CDCA7L: variants seen among roughly 807,000 people sequenced by gnomAD.
The protein encoded by CDCA7L is cell division cycle associated 7 like, also known as cell division cycle-associated 7-like protein.
In CDCA7L, 44 loss-of-function variants were observed where a neutral mutation model predicts 57.4. The ratio of observed to expected loss-of-function variants is 0.77; its 90% confidence interval spans 0.60 to 0.98. The LOEUF (loss-of-function observed/expected upper bound fraction) is 0.98. Ranked by LOEUF, CDCA7L falls within the 50% of genes least tolerant of loss-of-function variation. CDCA7L has a pLI of 0.00. For synonymous variants in CDCA7L, 236 were observed against 202.8 expected (o/e 1.16, Z -1.39); for missense variants, 644 against 580.6 (o/e 1.11, Z -1.12).
intron 1 of CDCA7L, among the ~76,000 whole-genome samples, chr7:21,922,695 A>C (rs1363807911): frequency 6.6e-6 from 1 of 152,246 alleles, no homozygotes; most frequent in African/African-American, 2.4e-5. Flanking sequence ...GAAGATTAAG[A>C]AAAACTTTAT....
intron 1 of CDCA7L, among the ~76,000 whole-genome samples, chr7:21,930,365 A>G (rs368321393): frequency 2.3e-4 from 35 of 152,318 alleles, no homozygotes; most frequent in Middle Eastern, 3.4e-3. Context: ...AGAAAGCAGG[A>G]AAGATCTAAA....
chr7:21,909,078 G>A (rs915033912), intron 3 of CDCA7L, among the ~76,000 whole-genome samples: 1 of 152,204 alleles, frequency 6.6e-6, no homozygotes, highest in Non-Finnish European at 1.5e-5. Context: ...GAGCCATGAG[G>A]TGAAACCAGG....
chr7:21,919,219 C>G (rs1174673198), intron 1 of CDCA7L, among the ~76,000 whole-genome samples: 1 of 152,136 alleles, frequency 6.6e-6, no homozygotes, highest in African/African-American at 2.4e-5. Context: ...TTCTCTCACT[C>G]TCCCCCTTTT....
chr7:21,904,926 C>T (rs984928212), intron 7 of CDCA7L, among the ~76,000 whole-genome samples: 2 of 152,190 alleles, frequency 1.3e-5, no homozygotes, highest in South Asian at 2.1e-4. Context: ...GACTGAGGGG[C>T]AATGAGCCTT....
intron 1 of CDCA7L, among the ~76,000 whole-genome samples, chr7:21,941,669 G>C (rs1312462728): frequency 2.0e-5 from 3 of 152,332 alleles, no homozygotes; most frequent in East Asian, 1.9e-4. Flanking sequence ...GGAGGGAACA[G>C]GGCAAGTTTC....
At position 21,929,785 on chromosome 7, in the gene CDCA7L, A is replaced by G. The variant is rs539008875; in HGVS notation, c.25-12891T>C. On this transcript the variant is annotated intron_variant, in intron 1 of 9. Coordinates refer to ENST00000406877, the MANE Select transcript of CDCA7L (RefSeq NM_018719.5). ...AAGAGCAGCTAACTACACTAAATAT[A>G]TATGCACCCAATACAGGAGCACCCA... 3.9e-5 allele frequency among the ~76,000 whole-genome samples: 6 copies of G among 152,308 alleles called. No individual in the cohort carries two copies. The South Asian group carries it at 1.2e-3, about 32-fold the overall frequency.
At chr7:21,904,007 G>C (rs1353929709) in intron 8 of CDCA7L, 103 bp downstream of exon 8, 5 of 1,128,558 alleles carry the variant, frequency 4.4e-6, no homozygotes, top group Middle Eastern at 2.2e-4. Flanking sequence ...AAAAACCAGA[G>C]TTCTGGAGCT....
chr7:21,941,996 G>A (rs529916900), intron 1 of CDCA7L, among the ~76,000 whole-genome samples: 17 of 152,188 alleles, frequency 1.1e-4, no homozygotes, highest in African/African-American at 4.1e-4. Flanking sequence ...AGCAGAAGAG[G>A]AAGGGAGTTC....
chr7:21,941,162 G>A (rs544929955), intron 1 of CDCA7L, among the ~76,000 whole-genome samples: 139 of 152,208 alleles, frequency 9.1e-4, no homozygotes, highest in African/African-American at 2.5e-3. Context: ...AACACAAGCC[G>A]TAAGATATAC....
At chr7:21,945,713 G>A in intron 1 of CDCA7L, 68 bp downstream of exon 1, 2 of 1,587,782 alleles carry the variant, frequency 1.3e-6, no homozygotes, top group Non-Finnish European at 8.6e-7. Context: ...AAGGCCAGCA[G>A]GACCGGGTGG....
At chr7:21,915,833 G>C (rs1254818752) in intron 2 of CDCA7L, among the ~76,000 whole-genome samples, 1 of 151,646 alleles carries the variant, frequency 6.6e-6, no homozygotes, top group African/African-American at 2.4e-5. Flanking sequence ...ATCTTGGAAA[G>C]AAAGAAAATA....
chr7:21,939,024 G>GA (rs1786261342), intron 1 of CDCA7L, among the ~76,000 whole-genome samples: 1 of 151,508 alleles, frequency 6.6e-6, no homozygotes, highest in Non-Finnish European at 1.5e-5. Flanking sequence ...AGAAATAATT[G>GA]AAAAAAAATT....
chr7:21,922,808 A>G (rs937544968), intron 1 of CDCA7L, among the ~76,000 whole-genome samples: 5 of 152,258 alleles, frequency 3.3e-5, no homozygotes, highest in African/African-American at 1.2e-4. Flanking sequence ...TGTGAGACAT[A>G]CATATAATTG....
Position 21,901,576 on chromosome 7 carries a change from AAAAAGTACATCAT to A in CDCA7L, c.*733_*745del, listed in dbSNP as rs768893569. 376 of 188,104 alleles carry A rather than the reference AAAAAGTACATCAT, an allele frequency of 2.0e-3. 1 individual carries two copies. Among genetic ancestry groups the A allele is most frequent in the African/African-American group, 6.6e-3 (285 of 42,868 alleles). 11.7% of individuals were successfully genotyped at this position (188,104 alleles called of 1,614,324 possible). On this transcript the variant is annotated 3_prime_UTR_variant, in exon 10 of 10. Coordinates refer to ENST00000406877, the MANE Select transcript of CDCA7L (RefSeq NM_018719.5). ...AGAACAAGACTCCATCTCAAAAAAA[AAAAAGTACATCAT>A]AAAAGTACATCATATGTGAACATGC...
Position 21,924,601 on chromosome 7 carries a change from T to A in CDCA7L, c.25-7707A>T, listed in dbSNP as rs563720951. ...CATACCATGCACCAACCACAAGAAC[T>A]AACTCAAAATGGATCACAAACTTGA... On this transcript the variant is annotated intron_variant, in intron 1 of 9. Transcript: ENST00000406877. 6.6e-5 allele frequency among the ~76,000 whole-genome samples: 10 copies of A among 152,316 alleles called. No homozygotes were observed. In the East Asian group the frequency reaches 1.9e-3, roughly 29 times the overall value.
At chr7:21,919,416 C>A (rs1785587400) in intron 1 of CDCA7L, among the ~76,000 whole-genome samples, 1 of 152,138 alleles carries the variant, frequency 6.6e-6, no homozygotes, top group Admixed American at 6.6e-5. Context: ...GCATGGCAAG[C>A]TAACCTTGTA....
chr7:21,901,396 AAGTC>A lies in CDCA7L; in HGVS notation c.*922_*925del. 4 of 1,204,396 alleles carry A rather than the reference AAGTC, an allele frequency of 3.3e-6. No individual in the cohort carries two copies. Among genetic ancestry groups the A allele is most frequent in the Non-Finnish European group, 3.2e-6 (3 of 929,744 alleles). The allele number at this position is 1,204,396 out of a possible 1,614,324, so 74.6% of individuals were successfully genotyped here. A position where few individuals can be genotyped will look rare whatever the true frequency, so the allele number is the denominator to read the frequency against. On this transcript the variant is annotated 3_prime_UTR_variant, in exon 10 of 10. Transcript: ENST00000406877. ...TTTTTCAACGCTATCCTTAGAGTGA[AAGTC>A]AGAAAAAAATACTAGAAACTAACTC... is the stretch of plus-strand genomic sequence containing the variant.
At position 21,902,016 on chromosome 7, in the gene CDCA7L, A is replaced by AACTT. The variant is rs566823141; in HGVS notation, c.*302_*305dup. The AACTT allele has an allele frequency of 1.1e-4, 43 of 380,846 alleles. No individual in the cohort carries two copies. Among genetic ancestry groups the AACTT allele is most frequent in the Middle Eastern group, 1.6e-3 (2 of 1,284 alleles). 23.6% of individuals were successfully genotyped at this position (380,846 alleles called of 1,614,324 possible). A position where few individuals can be genotyped will look rare whatever the true frequency, so the allele number is the denominator to read the frequency against. On this transcript the variant is annotated 3_prime_UTR_variant, in exon 10 of 10. Coordinates refer to ENST00000406877, the MANE Select transcript of CDCA7L (RefSeq NM_018719.5). ...GCTGATCATACAATGTTTTCTCTCT[A>AACTT]ACTTACTTACCTGAACTTTAACCCC... is the stretch of plus-strand genomic sequence containing the variant.
intron 1 of CDCA7L, among the ~76,000 whole-genome samples, chr7:21,925,971 G>GCACA (rs1400894153): frequency 5.9e-5 from 9 of 152,044 alleles, no homozygotes; most frequent in African/African-American, 2.2e-4. Flanking sequence ...AGACACAGAG[G>GCACA]CACACACCTG....
Sources: gnomAD v4.1 joint callset for allele counts (sites outside exome capture counted in the v4.1 genomes callset) on GRCh38, gnomAD v4.1.1 for gene constraint, MANE v1.5 for transcripts, NCBI Gene and HGNC (gene_info 2026-07-23, HGNC 2026-07-21) for gene names.